The following MYH15 variants were observed in gnomAD, a reference collection of about 807,000 sequenced individuals.
MYH15 encodes the protein myosin heavy chain 15.
Under a neutral mutation model 240.5 loss-of-function variants are expected in MYH15, and 227 were observed. That is an observed-to-expected ratio of 0.94 (90% CI 0.85 to 1.05). The LOEUF (loss-of-function observed/expected upper bound fraction) is 1.05. MYH15 is among the 50% of genes least tolerant of loss of function. The pLI is 0.00. For missense variants in MYH15, 2,217 were observed against 2,247.5 expected (o/e 0.99, Z 0.27); for synonymous variants, 785 against 796.7 (o/e 0.99, Z 0.25).
chr3:108,442,078 T>C (rs1475136755), intron 22 of MYH15, among the ~76,000 whole-genome samples: 1 of 152,366 alleles, frequency 6.6e-6, no homozygotes, highest in East Asian at 1.9e-4. Context: ...GAGCAAGTTC[T>C]TAATTGTTGC....
intron 30 of MYH15, 37 bp from the exon 31 acceptor site, chr3:108,410,969 A>G: frequency 6.6e-7 from 1 of 1,504,720 alleles, no homozygotes; most frequent in Non-Finnish European, 9.1e-7. Context: ...GAGTGAGGCA[A>G]TAACTCTCAG....
chr3:108,438,872 G>A (rs1234193590), intron 24 of MYH15, among the ~76,000 whole-genome samples: 1 of 152,156 alleles, frequency 6.6e-6, no homozygotes, highest in Non-Finnish European at 1.5e-5. Flanking sequence ...GTGGGTGGGT[G>A]TGTGGGTGTG....
rs374002230 is a variant in MYH15, at chr3:108,505,683, G to T, written c.195+40C>A. On this transcript the variant is annotated intron_variant, in intron 2 of 40. Coordinates refer to ENST00000693548, the MANE Select transcript of MYH15 (RefSeq NM_014981.3). ...ATAATATATTTAGTTATTTGATAGAGAACATAGTCATCACTGCAATGAAAT... is the reference window on the plus strand; with the variant it reads ...ATAATATATTTAGTTATTTGATAGATAACATAGTCATCACTGCAATGAAAT... 6.0e-6 allele frequency: 7 copies of T among 1,160,932 alleles called. No individual in the cohort carries two copies. The African/African-American group carries it at 1.1e-4, about 18-fold the overall frequency. 71.9% of individuals were successfully genotyped at this position (1,160,932 alleles called of 1,614,324 possible).
intron 3 of MYH15, among the ~76,000 whole-genome samples, chr3:108,500,818 G>A (rs970626368): frequency 6.6e-6 from 1 of 152,164 alleles, no homozygotes; most frequent in Admixed American, 6.5e-5. Flanking sequence ...TGACATCCAG[G>A]TGGGTCTTGA....
At chr3:108,417,794 TATACACACAC>T (rs1427555453) in intron 28 of MYH15, among the ~76,000 whole-genome samples, 5 of 93,194 alleles carry the variant, frequency 5.4e-5, no homozygotes, top group Middle Eastern at 5.2e-3. Flanking sequence ...TGTATATATA[TATACACACAC>T]ACACACACAC....
At chr3:108,536,855 G>A in the MYH15 span, among the ~76,000 whole-genome samples, 1 of 152,192 alleles carries the variant, frequency 6.6e-6, no homozygotes, top group Non-Finnish European at 1.5e-5. Context: ...CAAAACTTGG[G>A]AGACTCTCCT....
At chr3:108,498,452 C>T (rs2083411280) in intron 5 of MYH15, among the ~76,000 whole-genome samples, 1 of 152,144 alleles carries the variant, frequency 6.6e-6, no homozygotes, top group South Asian at 2.1e-4. Context: ...TCTAACTAGA[C>T]AAGTCTCCTC....
At chr3:108,534,114 G>A (rs891348782), upstream of MYH15, among the ~76,000 whole-genome samples, 1 of 152,176 alleles carries the variant, frequency 6.6e-6, no homozygotes, top group Admixed American at 6.5e-5. Flanking sequence ...GGAGTCCTGT[G>A]AAATACATGA....
intron 39 of MYH15, 24 bp from the exon 40 acceptor site, chr3:108,383,753 AAG>A: frequency 6.5e-7 from 1 of 1,528,910 alleles, no homozygotes; most frequent in Non-Finnish European, 8.8e-7. Context: ...AAAAAAAAAA[AAG>A]AAATCTCCAT....
chr3:108,412,937 G>T (rs2082605732), intron 30 of MYH15, among the ~76,000 whole-genome samples: 1 of 152,174 alleles, frequency 6.6e-6, no homozygotes, highest in Non-Finnish European at 1.5e-5. Flanking sequence ...TTTATTCTAT[G>T]TCCCACCAAT....
At chr3:108,450,029 G>A (rs542402390) in intron 21 of MYH15, among the ~76,000 whole-genome samples, 2 of 152,168 alleles carry the variant, frequency 1.3e-5, no homozygotes, top group African/African-American at 4.8e-5. Context: ...TCTCACACCT[G>A]TTAGAATGGC....
In MYH15 at chr3:108,405,419, TG is replaced by T. The variant is rs778279319; in HGVS notation, c.4654del (p.His1552IlefsTer24). On this transcript the variant is annotated frameshift_variant, in exon 33 of 41. Coordinates refer to ENST00000693548, the MANE Select transcript of MYH15 (RefSeq NM_014981.3). LOFTEE classifies it high-confidence loss of function. ...AGCTTCCAAGAGTTCAAGCTGGAAATGAAGAATCTTGCTTTCATTACGTTCC... is the reference window on the plus strand; with the variant it reads ...AGCTTCCAAGAGTTCAAGCTGGAAATAAGAATCTTGCTTTCATTACGTTCC... ...ALERNESKIL[H>X]FQLELLEAKA... is the part of the protein sequence containing the mutation. The T allele has an allele frequency of 6.5e-7, 1 of 1,528,918 alleles. No homozygotes were observed. The allele number at this position is 1,528,918 out of a possible 1,614,324, so 94.7% of individuals were successfully genotyped here.
intron 15 of MYH15, 111 bp downstream of exon 15, chr3:108,464,527 C>CT: frequency 8.9e-7 from 1 of 1,122,822 alleles, no homozygotes; most frequent in South Asian, 1.6e-5. Flanking sequence ...GTATTTTGTT[C>CT]TTCTCTTCAT....
In MYH15 at chr3:108,381,182, A is replaced by C; in HGVS notation, c.*363T>G. ...CATTCACCAACATGCCCTAGTCCCC[A>C]TGAAGCGTGACTGGTCTAAGGACAT... is the stretch of plus-strand genomic sequence containing the variant. On this transcript the variant is annotated 3_prime_UTR_variant, in exon 41 of 41. Coordinates refer to ENST00000693548, the MANE Select transcript of MYH15 (RefSeq NM_014981.3). The C allele has an allele frequency of 3.9e-6, 1 of 257,888 alleles. No homozygotes were observed. Among genetic ancestry groups the C allele is most frequent in the Non-Finnish European group, 7.4e-6 (1 of 134,388 alleles). 16.0% of individuals were successfully genotyped at this position (257,888 alleles called of 1,614,324 possible). A position where few individuals can be genotyped will look rare whatever the true frequency, so the allele number is the denominator to read the frequency against.
intron 4 of MYH15, 62 bp from the exon 5 acceptor site, chr3:108,499,544 C>A: frequency 6.6e-7 from 1 of 1,523,286 alleles, no homozygotes; most frequent in Non-Finnish European, 9.0e-7. Context: ...TTAGTATGAA[C>A]TTACTCAAAA....
At chr3:108,464,856 C>T in intron 14 of MYH15, 42 bp from the exon 15 acceptor site, 2 of 1,518,266 alleles carry the variant, frequency 1.3e-6, no homozygotes, top group East Asian at 4.7e-5. Flanking sequence ...TTTAAAAACA[C>T]CGGCACTTTC....
chr3:108,534,128 T>A (rs1223561707), upstream of MYH15, among the ~76,000 whole-genome samples: 1 of 152,190 alleles, frequency 6.6e-6, no homozygotes, highest in Non-Finnish European at 1.5e-5. Flanking sequence ...TACATGAGCC[T>A]TCTCCAGCTG....
chr3:108,459,885 A>T (rs1223011525), intron 17 of MYH15, among the ~76,000 whole-genome samples: 1 of 152,196 alleles, frequency 6.6e-6, no homozygotes, highest in East Asian at 1.9e-4. Context: ...AGAGAAAAGC[A>T]ATGATTCAGA....
chr3:108,435,993 T>C lies in MYH15; in HGVS notation c.3221+1561A>G, dbSNP rs116335229. 1.5e-3 allele frequency among the ~76,000 whole-genome samples: 227 copies of C among 152,238 alleles called. 1 individual carries two copies. The highest frequency in any genetic ancestry group is 5.3e-3 in the African/African-American group (220 of 41,554). ...TTGACATTGAGTTCATTAGTGCAAC[T>C]GAAGTTTGTGTTTATAAATTGTATG... is the stretch of plus-strand genomic sequence containing the variant. On this transcript the variant is annotated intron_variant, in intron 25 of 40. Transcript: ENST00000693548.
Sources: gnomAD v4.1 joint callset for allele counts (sites outside exome capture counted in the v4.1 genomes callset) on GRCh38, gnomAD v4.1.1 for gene constraint, MANE v1.5 for transcripts, NCBI Gene and HGNC (gene_info 2026-07-23, HGNC 2026-07-21) for gene names.